Variants in GALNT9 observed in about 807,000 individuals in gnomAD.
GALNT9 encodes the protein GalNAc transferase 9.
Under a neutral mutation model 63.1 loss-of-function variants are expected in GALNT9, and 47 were observed. That is an observed-to-expected ratio of 0.75 (90% confidence interval 0.59 to 0.95). The LOEUF is 0.95. GALNT9 is among the 40% of genes least tolerant of loss of function. The pLI, the probability that GALNT9 is intolerant of heterozygous loss-of-function variation, is 0.00. For missense variants in GALNT9, 829 were observed against 874.8 expected, an observed-to-expected ratio of 0.95 and a Z score of 0.66; for synonymous variants, 396 against 365.7, an observed-to-expected ratio of 1.08 and a Z score of -0.94.
chr12:132,281,178 G>A (rs1566011282), intron 2 of GALNT9, among the ~76,000 whole-genome samples: 1 of 152,268 alleles, frequency 6.6e-6, no homozygotes, highest in East Asian at 1.9e-4. Flanking sequence ...TGGTTCCTGG[G>A]AAGATGGATA....
chr12:132,288,583 G>A (rs1478227740), intron 1 of GALNT9, among the ~76,000 whole-genome samples: 2 of 152,284 alleles, frequency 1.3e-5, no homozygotes, highest in African/African-American at 4.8e-5. Context: ...CGCCTGGCCA[G>A]AGGGTAGCTG....
intron 5 of GALNT9, among the ~76,000 whole-genome samples, chr12:132,248,281 C>G (rs896812136): frequency 2.6e-5 from 4 of 152,238 alleles, no homozygotes; most frequent in African/African-American, 4.8e-5. Context: ...ATGACAGAAC[C>G]CGCATTCAAT....
rs549406119 is a variant in GALNT9, at chr12:132,201,110, G to T, written c.1401+14C>A. The T allele has an allele frequency of 5.0e-6, 8 of 1,610,510 alleles. No individual in the cohort carries two copies. The highest frequency in any genetic ancestry group is 5.9e-6 in the Non-Finnish European group (7 of 1,178,014). On this transcript the variant is annotated intron_variant, in intron 8 of 10. Coordinates refer to ENST00000328957, the MANE Select transcript of GALNT9 (RefSeq NM_001122636.2). Reference sequence around the variant, plus strand: ...GCCTGTCGGGCCGAACGGGGCCCTCGGGGGAGGTGCTACCTCTCCGTACGT... The same window carrying T: ...GCCTGTCGGGCCGAACGGGGCCCTCTGGGGAGGTGCTACCTCTCCGTACGT...
Position 132,286,477 on chromosome 12 carries a change from GC to G in GALNT9, c.239-48del. The G allele has an allele frequency of 6.6e-7, 1 of 1,510,642 alleles. No individual in the cohort carries two copies. Among genetic ancestry groups the G allele is most frequent in the Non-Finnish European group, 8.9e-7 (1 of 1,128,452 alleles). 93.6% of individuals were successfully genotyped at this position (1,510,642 alleles called of 1,614,324 possible). A position where few individuals can be genotyped will look rare whatever the true frequency, so the allele number is the denominator to read the frequency against. ...AGGTCAGGCAGGCCCAGGACACGCTGCGTCTGCACCCAGGAGACGCCCCTCC... is the reference window on the plus strand; with the variant it reads ...AGGTCAGGCAGGCCCAGGACACGCTGGTCTGCACCCAGGAGACGCCCCTCC... On this transcript the variant is annotated intron_variant, in intron 1 of 10. Transcript: ENST00000328957. The surrounding 1 kb of genome is among the most constrained non-coding windows in gnomAD (Gnocchi z 7.4).
intron 6 of GALNT9, among the ~76,000 whole-genome samples, chr12:132,235,076 AGC>A: frequency 1.3e-5 from 1 of 76,616 alleles, no homozygotes. Flanking sequence ...CAGAGGAGAC[AGC>A]GTGGAGTCCC....
At chr12:132,218,397 C>A (rs567217654) in intron 6 of GALNT9, among the ~76,000 whole-genome samples, 19 of 152,218 alleles carry the variant, frequency 1.2e-4, no homozygotes, top group Non-Finnish European at 2.6e-4. Flanking sequence ...CAGCACTTTC[C>A]CTTTGGCAGA....
At chr12:132,217,867 C>A (rs189645078) in intron 6 of GALNT9, among the ~76,000 whole-genome samples, 1 of 151,618 alleles carries the variant, frequency 6.6e-6, no homozygotes, top group East Asian at 1.9e-4. Context: ...TCTACCTACT[C>A]ACTCACCCAC....
At chr12:132,201,371 C>T (rs934801604) in intron 7 of GALNT9, 110 bp from the exon 8 acceptor site, 3 of 686,474 alleles carry the variant, frequency 4.4e-6, no homozygotes, top group East Asian at 2.7e-5. Context: ...CAGGAGCAGC[C>T]TCCCCCCCAG....
intron 5 of GALNT9, among the ~76,000 whole-genome samples, chr12:132,250,648 G>A (rs28686897): frequency 0.064 from 9,673 of 152,206 alleles, 389 homozygotes; most frequent in South Asian, 0.15. Context: ...AAAATTAGCC[G>A]GGCGTGGTGG....
In GALNT9 at chr12:132,319,684, A is replaced by T. The variant is rs1432639458; in HGVS notation, c.238+9282T>A. 2.0e-5 allele frequency among the ~76,000 whole-genome samples: 3 copies of T among 151,578 alleles called. No individual in the cohort carries two copies. The highest frequency in any genetic ancestry group is 2.9e-5 in the Non-Finnish European group (2 of 67,932). On this transcript the variant is annotated intron_variant, in intron 1 of 10. Coordinates refer to ENST00000328957, the MANE Select transcript of GALNT9 (RefSeq NM_001122636.2). This position sits in a 1 kb window ranked among gnomAD's most constrained non-coding sequence, Gnocchi z 5.2. The stretch of plus-strand genomic sequence containing the variant: ...GCCTTTCCGTCTGGGGCAGGTCAAC[A>T]CCCCACTCCGCCACACACACAGCTG...
At chr12:132,266,935 G>A (rs1261962005) in intron 2 of GALNT9, among the ~76,000 whole-genome samples, 2 of 152,170 alleles carry the variant, frequency 1.3e-5, no homozygotes, top group East Asian at 3.9e-4. Flanking sequence ...CCTTGGCTGG[G>A]GGCAGAGACT....
chr12:132,294,006 G>A lies in GALNT9; in HGVS notation c.239-7576C>T, dbSNP rs28458289. The stretch of plus-strand genomic sequence containing the variant: ...CCTCCGAGCCTATCTGTGAATGGCC[G>A]TGGAAGACCACGAGCATTTGGGGAT... On this transcript the variant is annotated intron_variant, in intron 1 of 10. Transcript: ENST00000328957. Among the ~76,000 whole-genome samples, 43 of 152,398 alleles carry A rather than the reference G, an allele frequency of 2.8e-4. No individual in the cohort carries two copies. The East Asian group carries it at 3.7e-3, about 13-fold the overall frequency.
intron 2 of GALNT9, among the ~76,000 whole-genome samples, chr12:132,267,777 ACACGCACACACACG>A (rs1879671879): frequency 8.5e-6 from 1 of 117,406 alleles, no homozygotes; most frequent in African/African-American, 3.7e-5. Context: ...GCACTCACAC[ACACGCACACACACG>A]CACTCACACG....
intron 2 of GALNT9, among the ~76,000 whole-genome samples, chr12:132,264,923 T>C (rs1177600249): frequency 3.9e-5 from 6 of 152,076 alleles, no homozygotes; most frequent in Non-Finnish European, 5.9e-5. Flanking sequence ...CGACAGCCAT[T>C]GGGAGCCTCA....
In GALNT9 at chr12:132,243,337, G is replaced by GAGCTCTCTCT. The variant is rs1878533035; in HGVS notation, c.1077+4572_1077+4573insAGAGAGAGCT. On this transcript the variant is annotated intron_variant, in intron 6 of 10. Transcript: ENST00000328957. ...ACACACACACCACACACCCTTCCCG[G>GAGCTCTCTCT]GGGGCCATCAGGGCCCCCAGTGGCC... 2.6e-5 allele frequency among the ~76,000 whole-genome samples: 3 copies of GAGCTCTCTCT among 113,786 alleles called. 1 individual carries two copies. The highest frequency in any genetic ancestry group is 5.6e-5 in the Non-Finnish European group (3 of 53,908). 74.6% of individuals were successfully genotyped at this position (113,786 alleles called of 152,430 possible).
intron 1 of GALNT9, among the ~76,000 whole-genome samples, chr12:132,301,272 G>A (rs1472298705): frequency 6.6e-6 from 1 of 152,244 alleles, no homozygotes; most frequent in African/African-American, 2.4e-5. Context: ...AACCATGGTC[G>A]CTCCACTTTC....
chr12:132,258,718 C>T (rs1040641235), intron 4 of GALNT9, among the ~76,000 whole-genome samples: 8 of 152,194 alleles, frequency 5.3e-5, no homozygotes, highest in East Asian at 1.9e-4. Context: ...TGAGTAGAAG[C>T]AGCCTCGATG....
rs548158082 is a variant in GALNT9, at chr12:132,219,004, G to A, written c.1078-15314C>T. ...TGGGACCTGTGGAGTCAGAAGCTCCGGGGAGGGGCGCCCCGCATTTTGAGC... is the reference window on the plus strand; with the variant it reads ...TGGGACCTGTGGAGTCAGAAGCTCCAGGGAGGGGCGCCCCGCATTTTGAGC... On this transcript the variant is annotated intron_variant, in intron 6 of 10. Coordinates refer to ENST00000328957, the MANE Select transcript of GALNT9 (RefSeq NM_001122636.2). Among the ~76,000 whole-genome samples the A allele has an allele frequency of 2.8e-3, 423 of 152,126 alleles. 3 individuals carry two copies. The highest frequency in any genetic ancestry group is 9.7e-3 in the African/African-American group (401 of 41,502).
intron 6 of GALNT9, among the ~76,000 whole-genome samples, chr12:132,204,134 C>T (rs569559906): frequency 1.4e-4 from 21 of 146,310 alleles, no homozygotes; most frequent in African/African-American, 5.3e-4. Flanking sequence ...CCACGCATCC[C>T]CAGAACACAC....
Sources: gnomAD v4.1 joint callset for allele counts (sites outside exome capture counted in the v4.1 genomes callset) on GRCh38, gnomAD v4.1.1 for gene constraint, Gnocchi (gnomAD v3.1) non-coding constraint, MANE v1.5 for transcripts, NCBI Gene and HGNC (gene_info 2026-07-23, HGNC 2026-07-21) for gene names.